Variants in TMPRSS9 observed in about 807,000 individuals in gnomAD.
The protein encoded by TMPRSS9 is transmembrane protease serine 9.
TMPRSS9 carries 113 observed loss-of-function variants against 111.4 expected under a neutral mutation model. That is an observed-to-expected ratio of 1.01 (90% CI 0.87 to 1.19). The LOEUF (loss-of-function observed/expected upper bound fraction) is 1.19. TMPRSS9 is among the 50% of genes most tolerant of loss of function. The probability of loss-of-function intolerance (pLI) is 0.00; values close to 1 mark genes in which losing one functional copy is unlikely to be tolerated. For synonymous variants in TMPRSS9, 805 were observed against 659.1 expected (o/e 1.22, Z -3.39); for missense variants, 1,803 against 1,513.1 (o/e 1.19, Z -3.18).
At chr19:2,424,753 C>G (rs867575815) in intron 15 of TMPRSS9, among the ~76,000 whole-genome samples, 6 of 152,164 alleles carry the variant, frequency 3.9e-5, no homozygotes, top group Middle Eastern at 3.4e-3. Flanking sequence ...GGAGGGCAGG[C>G]GGGGGGCGGG....
At chr19:2,399,409 G>C (rs1390198882) in intron 4 of TMPRSS9, among the ~76,000 whole-genome samples, 1 of 152,046 alleles carries the variant, frequency 6.6e-6, no homozygotes, top group East Asian at 1.9e-4. Flanking sequence ...CACCCCATCT[G>C]TACTAAAAAT....
chr19:2,424,655 C>A lies in TMPRSS9; in HGVS notation c.2718-347C>A, dbSNP rs556526938. 2.6e-5 allele frequency among the ~76,000 whole-genome samples: 4 copies of A among 152,254 alleles called. No individual in the cohort carries two copies. The South Asian group carries it at 8.3e-4, about 31-fold the overall frequency. On this transcript the variant is annotated intron_variant, in intron 15 of 17. Coordinates refer to ENST00000648592, the Ensembl canonical transcript of TMPRSS9. ...GCCCACCCAGTAGAAAGCTGCCCTC[C>A]CCAGGGCCCAAGCCCTGGCAGTCGA...
chr19:2,368,788 T>TTTTTTTTTTTTTG (rs1970267030), intron 1 of TMPRSS9, among the ~76,000 whole-genome samples: 1 of 114,372 alleles, frequency 8.7e-6, no homozygotes. Context: ...TTTTTTTTTT[T>TTTTTTTTTTTTTG]TTTTTTTTTT....
rs972721771 is a variant in TMPRSS9 at position 2,425,280 on chromosome 19, G to C, written c.2983+13G>C. The C allele has an allele frequency of 4.0e-6, 5 of 1,236,236 alleles. No individual in the cohort carries two copies. In the African/African-American group the frequency reaches 4.9e-5, roughly 12 times the overall value. 76.6% of individuals were successfully genotyped at this position (1,236,236 alleles called of 1,614,324 possible). ...GTGCGCGAAGGAGGTAGGCGCGCCCGGGGCCGCGGTGGTGCGGGGCTCGGG... is the reference window on the plus strand; with the variant it reads ...GTGCGCGAAGGAGGTAGGCGCGCCCCGGGCCGCGGTGGTGCGGGGCTCGGG... On this transcript the variant is annotated intron_variant, in intron 16 of 17. Coordinates refer to ENST00000648592, the Ensembl canonical transcript of TMPRSS9.
Position 2,416,401 on chromosome 19 carries a change from A to G in TMPRSS9, c.1746-137A>G, listed in dbSNP as rs1971231219. 2.6e-6 allele frequency: 3 copies of G among 1,156,776 alleles called. No homozygotes were observed. The East Asian group carries it at 7.7e-5, about 30-fold the overall frequency. 71.7% of individuals were successfully genotyped at this position (1,156,776 alleles called of 1,614,324 possible). A position where few individuals can be genotyped will look rare whatever the true frequency, so the allele number is the denominator to read the frequency against. ...CTCTTTCCCTGGTCCTCCTCCCTGGAGCCGAAGGTCAGAGGATGGTCCTGG... is the reference window on the plus strand; with the variant it reads ...CTCTTTCCCTGGTCCTCCTCCCTGGGGCCGAAGGTCAGAGGATGGTCCTGG... On this transcript the variant is annotated intron_variant, in intron 11 of 17. Transcript: ENST00000648592.
chr19:2,382,280 G>C (rs1376692827), intron 1 of TMPRSS9, among the ~76,000 whole-genome samples: 1 of 150,632 alleles, frequency 6.6e-6, no homozygotes, highest in East Asian at 2.0e-4. Context: ...AAGAAACCAT[G>C]TGCCACCATG....
At chr19:2,423,952 T>A (rs755927252) in intron 14 of TMPRSS9, 137 bp from the exon 16 acceptor site, 13 of 945,942 alleles carry the variant, frequency 1.4e-5, no homozygotes, top group Non-Finnish European at 1.6e-5. Context: ...TCCTGCTGAG[T>A]TTTCCTGGGA....
upstream of TMPRSS9, among the ~76,000 whole-genome samples, chr19:2,389,609 C>G (rs1345946101): frequency 2.6e-5 from 4 of 151,522 alleles, no homozygotes; most frequent in East Asian, 7.8e-4. Flanking sequence ...CTCAAATCGT[C>G]CTCCTGCCTC....
At chr19:2,402,297 C>T (rs146290629) in intron 5 of TMPRSS9, among the ~76,000 whole-genome samples, 1,740 of 152,024 alleles carry the variant, frequency 0.011, 19 homozygotes, top group Non-Finnish European at 0.017. Flanking sequence ...AAAAATTAGC[C>T]GGGCATAGTG....
At position 2,379,224 on chromosome 19, in the gene TMPRSS9, C is replaced by T. The variant is rs184794810; in HGVS notation, c.-25-10537C>T. On this transcript the variant is annotated intron_variant, in intron 1 of 17. Transcript: ENST00000649857. ...TTTTTGAGACAGAGTCTTGCTCTGTCGCCCAGGCTGGAGTGCAGTGGCACA... is the reference window on the plus strand; with the variant it reads ...TTTTTGAGACAGAGTCTTGCTCTGTTGCCCAGGCTGGAGTGCAGTGGCACA... Among the ~76,000 whole-genome samples, 670 of 123,784 alleles carry T rather than the reference C, an allele frequency of 5.4e-3. 3 individuals are homozygous for T. Among genetic ancestry groups the T allele is most frequent in the African/African-American group, 0.019 (624 of 32,960 alleles). 81.2% of individuals were successfully genotyped at this position (123,784 alleles called of 152,430 possible).
chr19:2,416,850 C>T (rs1371163491), intron 12 of TMPRSS9, 41 bp downstream of exon 13: 1 of 1,566,556 alleles, frequency 6.4e-7, no homozygotes, highest in South Asian at 1.2e-5. Context: ...GATTTATTCT[C>T]CAGGGCCTGG....
Position 2,379,677 on chromosome 19 carries a change from C to CTTTCTT in TMPRSS9, c.-25-10083_-25-10082insTTCTTT, listed in dbSNP as rs1240073481. Among the ~76,000 whole-genome samples, 321 of 131,834 alleles carry CTTTCTT rather than the reference C, an allele frequency of 2.4e-3. 2 individuals are homozygous for CTTTCTT. Among genetic ancestry groups the CTTTCTT allele is most frequent in the African/African-American group, 8.5e-3 (288 of 33,864 alleles). 86.5% of individuals were successfully genotyped at this position (131,834 alleles called of 152,430 possible). Reference sequence around the variant, plus strand: ...TCTTTCTTTCTTTCTTTCTTTCTTTCTCTTTTTCTTTCTTTCCTTCCTTCC... The same window carrying CTTTCTT: ...TCTTTCTTTCTTTCTTTCTTTCTTTCTTTCTTTCTTTTTCTTTCTTTCCTTCCTTCC... On this transcript the variant is annotated intron_variant, in intron 1 of 17. Transcript: ENST00000649857.
chr19:2,419,335 C>T lies in TMPRSS9; in HGVS notation c.2154+1197C>T, dbSNP rs1416096513. Reference sequence around the variant, plus strand: ...TCTCCTGCCTCAGCCTCCCGAGTAGCTGGGATTATAGGCGCCCGCCACCAT... The same window carrying T: ...TCTCCTGCCTCAGCCTCCCGAGTAGTTGGGATTATAGGCGCCCGCCACCAT... On this transcript the variant is annotated intron_variant, in intron 13 of 17. Coordinates refer to ENST00000648592, the Ensembl canonical transcript of TMPRSS9. Among the ~76,000 whole-genome samples the T allele has an allele frequency of 3.3e-5, 5 of 149,688 alleles. No homozygotes were observed. In the Admixed American group the frequency reaches 3.4e-4, roughly 10 times the overall value.
intron 1 of TMPRSS9, among the ~76,000 whole-genome samples, chr19:2,370,992 T>A (rs1312956883): frequency 6.6e-6 from 1 of 152,068 alleles, no homozygotes; most frequent in Non-Finnish European, 1.5e-5. Flanking sequence ...CAATATTATG[T>A]ATCTTGATGA....
intron 9 of TMPRSS9, 91 bp downstream of exon 10, chr19:2,410,485 C>T (rs3848636): frequency 0.06 from 90,033 of 1,507,912 alleles, 4,594 homozygotes; most frequent in East Asian, 0.3. Flanking sequence ...TCTGGATGCC[C>T]GCTGTGAGCC....
chr19:2,391,867 G>C (rs1355664305), intron 1 of TMPRSS9, among the ~76,000 whole-genome samples: 5 of 151,182 alleles, frequency 3.3e-5, no homozygotes, highest in African/African-American at 1.2e-4. Context: ...TCAGCCTCCT[G>C]GGTAGCTGAG....
chr19:2,423,112 C>T (rs931866883), intron 14 of TMPRSS9, among the ~76,000 whole-genome samples: 23 of 151,690 alleles, frequency 1.5e-4, no homozygotes, highest in Non-Finnish European at 2.2e-4. Flanking sequence ...ACAGCTGTGC[C>T]ATGTCCTTGG....
intron 8 of TMPRSS9, 118 bp downstream of exon 9, chr19:2,408,748 G>A (rs79792172): frequency 0.062 from 84,666 of 1,359,584 alleles, 4,701 homozygotes; most frequent in East Asian, 0.3. Flanking sequence ...AGGCCGAGGC[G>A]GGTGGATCAC....
rs1970343544 is a variant in TMPRSS9 at position 2,377,255 on chromosome 19, AT to A, written c.-25-12505del. On this transcript the variant is annotated intron_variant, in intron 1 of 17. Coordinates refer to the TMPRSS9 transcript ENST00000649857. ...CTTTCTTTTTTTACTGTATGTATGT[AT>A]GTATGTATGTATGTATGTATGTATG... Among the ~76,000 whole-genome samples the A allele has an allele frequency of 3.0e-5, 3 of 101,298 alleles. No homozygotes were observed. In the East Asian group the frequency reaches 7.2e-4, roughly 24 times the overall value. The allele number at this position is 101,298 out of a possible 152,430, so 66.5% of individuals were successfully genotyped here.
Sources: allele counts gnomAD v4.1 joint callset (sites outside exome capture counted in the v4.1 genomes callset), GRCh38; gene constraint gnomAD v4.1.1; transcripts MANE v1.5; gene names NCBI Gene and HGNC (gene_info 2026-07-23, HGNC 2026-07-21).